COL25A1: variants seen among roughly 807,000 people sequenced by gnomAD.
COL25A1 encodes the protein collagen type XXV alpha 1 chain, also known as collagen alpha-1(XXV) chain.
Under a neutral mutation model 128.4 loss-of-function variants are expected in COL25A1, and 103 were observed. The observed-to-expected ratio is 0.80, with a 90% confidence interval of 0.68 to 0.94. COL25A1 has a LOEUF of 0.94. COL25A1 is among the 40% of genes least tolerant of loss of function. The pLI, the probability that COL25A1 is intolerant of heterozygous loss-of-function variation, is 0.00. For synonymous variants in COL25A1, 279 were observed against 277.2 expected (o/e 1.01, Z -0.06); for missense variants, 745 against 840.0 (o/e 0.89, Z 1.40).
At chr4:109,271,996 T>C (rs1332282110) in intron 3 of COL25A1, among the ~76,000 whole-genome samples, 1 of 152,062 alleles carries the variant, frequency 6.6e-6, no homozygotes, top group Non-Finnish European at 1.5e-5. Flanking sequence ...CCTAGCACTT[T>C]GGGAGGCTGA....
intron 16 of COL25A1, among the ~76,000 whole-genome samples, chr4:108,892,781 T>C (rs1218719332): frequency 6.6e-6 from 1 of 152,144 alleles, no homozygotes; most frequent in Non-Finnish European, 1.5e-5. Context: ...TAAAGAGTGC[T>C]GTGGAGAATA....
chr4:108,845,505 C>T (rs1424469362), intron 28 of COL25A1, among the ~76,000 whole-genome samples: 5 of 151,986 alleles, frequency 3.3e-5, no homozygotes, highest in Non-Finnish European at 7.4e-5. Context: ...GGTTAAAGAC[C>T]TACAGTGTTA....
chr4:108,885,025 T>C lies in COL25A1; in HGVS notation c.976-803A>G, dbSNP rs182724657. 2.6e-3 allele frequency among the ~76,000 whole-genome samples: 390 copies of C among 152,332 alleles called. 4 individuals are homozygous for C. Among genetic ancestry groups the C allele is most frequent in the African/African-American group, 9.0e-3 (375 of 41,574 alleles). The stretch of plus-strand genomic sequence containing the variant: ...TCTACTAAAGAAGTATAAAGGAATC[T>C]CAGGAGAAAATGAAAGTCCTCTCTG... On this transcript the variant is annotated intron_variant, in intron 18 of 37. Transcript: ENST00000399132.
chr4:108,986,068 T>C (rs906021029), intron 6 of COL25A1, among the ~76,000 whole-genome samples: 2 of 152,234 alleles, frequency 1.3e-5, no homozygotes, highest in African/African-American at 4.8e-5. Flanking sequence ...TGCCAAGTCC[T>C]ATAGATTTCA....
At chr4:109,219,414 A>G (rs1778264671) in intron 3 of COL25A1, among the ~76,000 whole-genome samples, 2 of 151,994 alleles carry the variant, frequency 1.3e-5, no homozygotes, top group Non-Finnish European at 2.9e-5. Flanking sequence ...AGGTACAAAG[A>G]AAGACTGAGA....
intron 3 of COL25A1, among the ~76,000 whole-genome samples, chr4:109,178,362 A>G (rs993099785): frequency 2.0e-5 from 3 of 152,202 alleles, no homozygotes; most frequent in Non-Finnish European, 4.4e-5. Context: ...TAAGAGAAAA[A>G]TAATAATAGC....
intron 3 of COL25A1, among the ~76,000 whole-genome samples, chr4:109,149,667 T>A (rs1378886623): frequency 1.3e-5 from 2 of 152,222 alleles, no homozygotes; most frequent in Non-Finnish European, 2.9e-5. Flanking sequence ...GATGCTGAGT[T>A]GTGGTTACAG....
chr4:108,871,453 C>G (rs991355440), intron 19 of COL25A1, among the ~76,000 whole-genome samples: 1 of 151,864 alleles, frequency 6.6e-6, no homozygotes, highest in Non-Finnish European at 1.5e-5. Flanking sequence ...GTAGCTGGGA[C>G]TACAGGCGCC....
chr4:109,103,402 A>G (rs1452124017), intron 3 of COL25A1, among the ~76,000 whole-genome samples: 2 of 152,080 alleles, frequency 1.3e-5, no homozygotes, highest in African/African-American at 4.8e-5. Context: ...CTCACCCCTT[A>G]TTCTGCACTA....
chr4:108,894,025 T>TA (rs992002695), intron 16 of COL25A1, among the ~76,000 whole-genome samples: 6 of 151,880 alleles, frequency 4.0e-5, no homozygotes, highest in East Asian at 1.9e-4. Context: ...AACTTTTTGA[T>TA]AAAAAAAAGA....
At position 109,015,488 on chromosome 4, in the gene COL25A1, G is replaced by A. The variant is rs564267910; in HGVS notation, c.421-5113C>T. Among the ~76,000 whole-genome samples, 5 of 152,248 alleles carry A rather than the reference G, an allele frequency of 3.3e-5. No individual in the cohort carries two copies. In the East Asian group the frequency reaches 9.7e-4, roughly 29 times the overall value. ...CTTCATAAATAAAAACCTGAATCTA[G>A]TAAACGTAAAAGCCATGCCAAGTGA... On this transcript the variant is annotated intron_variant, in intron 5 of 37. Coordinates refer to ENST00000399132, the MANE Select transcript of COL25A1 (RefSeq NM_198721.4).
intron 3 of COL25A1, among the ~76,000 whole-genome samples, chr4:109,166,542 T>C (rs1321395853): frequency 6.6e-6 from 1 of 152,236 alleles, no homozygotes; most frequent in African/African-American, 2.4e-5. Context: ...CTACTGTGAC[T>C]CTACTGTATT....
chr4:109,129,627 T>C (rs917091367), intron 3 of COL25A1, among the ~76,000 whole-genome samples: 4 of 152,204 alleles, frequency 2.6e-5, no homozygotes, highest in South Asian at 4.1e-4. Context: ...GATGACTATA[T>C]GGTGTGATAA....
intron 3 of COL25A1, among the ~76,000 whole-genome samples, chr4:109,142,428 T>C (rs1770501376): frequency 6.6e-6 from 1 of 152,190 alleles, no homozygotes; most frequent in Non-Finnish European, 1.5e-5. Flanking sequence ...AGATGTCTAT[T>C]AGGTCTGCTT....
chr4:108,935,196 T>C (rs1747258383), intron 11 of COL25A1, among the ~76,000 whole-genome samples: 1 of 152,154 alleles, frequency 6.6e-6, no homozygotes, highest in Non-Finnish European at 1.5e-5. Flanking sequence ...AAATATAATG[T>C]TGAATGAAAG....
At chr4:109,184,511 A>C (rs752446140) in intron 3 of COL25A1, among the ~76,000 whole-genome samples, 1 of 152,186 alleles carries the variant, frequency 6.6e-6, no homozygotes, top group South Asian at 2.1e-4. Context: ...TCGGATACAC[A>C]ATGGTACTTT....
chr4:108,850,278 A>T (rs1312430704), intron 26 of COL25A1, among the ~76,000 whole-genome samples: 1 of 152,080 alleles, frequency 6.6e-6, no homozygotes, highest in Non-Finnish European at 1.5e-5. Flanking sequence ...ATGCTAATTG[A>T]GTAAGTTCCC....
chr4:108,851,320 G>A (rs975256831), intron 26 of COL25A1, among the ~76,000 whole-genome samples: 1 of 151,928 alleles, frequency 6.6e-6, no homozygotes, highest in Non-Finnish European at 1.5e-5. Context: ...TAAATATATA[G>A]GCAAGGAGCT....
chr4:108,992,356 T>G (rs1407338900), intron 6 of COL25A1, among the ~76,000 whole-genome samples: 4 of 152,202 alleles, frequency 2.6e-5, no homozygotes, highest in Non-Finnish European at 2.9e-5. Context: ...TGGGGTTATT[T>G]GGGCCAAAGT....
Sources: allele counts gnomAD v4.1 joint callset (sites outside exome capture counted in the v4.1 genomes callset), GRCh38; gene constraint gnomAD v4.1.1; transcripts MANE v1.5; gene names NCBI Gene and HGNC (gene_info 2026-07-23, HGNC 2026-07-21).